The following DAB1 variants were observed in gnomAD, a reference collection of about 807,000 sequenced individuals.
DAB1 encodes the protein DAB adaptor protein 1.
In DAB1, 15 loss-of-function variants were observed where a neutral mutation model predicts 64.6. The observed-to-expected ratio is 0.23, with a 90% confidence interval of 0.16 to 0.36. The LOEUF (loss-of-function observed/expected upper bound fraction) is 0.36. Among genes scored for constraint, DAB1 ranks in the 10% least tolerant of loss-of-function variants. The probability of loss-of-function intolerance (pLI) is 1.00; values close to 1 mark genes in which losing one functional copy is unlikely to be tolerated. For synonymous variants in DAB1, 235 were observed against 251.9 expected (o/e 0.93, Z 0.64); for missense variants, 596 against 706.7 (o/e 0.84, Z 1.78).
At chr1:58,349,207 C>T (rs1424001092) in intron 3 of DAB1, among the ~76,000 whole-genome samples, 6 of 152,202 alleles carry the variant, frequency 3.9e-5, no homozygotes, top group African/African-American at 1.2e-4. Flanking sequence ...GCCTGAGCCC[C>T]TGCTCTTCTC....
chr1:57,330,650 G>C (rs976535785), intron 1 of DAB1, among the ~76,000 whole-genome samples: 1 of 152,118 alleles, frequency 6.6e-6, no homozygotes, highest in Admixed American at 6.5e-5. Context: ...CAGTGTCGAC[G>C]TGATGTGCTT....
chr1:57,347,263 C>T (rs958596593), intron 1 of DAB1, among the ~76,000 whole-genome samples: 4 of 152,208 alleles, frequency 2.6e-5, no homozygotes, highest in Non-Finnish European at 5.9e-5. Flanking sequence ...TTCTCATCTG[C>T]AATCTTCAGC....
At chr1:57,358,600 A>C (rs977690362) in intron 1 of DAB1, among the ~76,000 whole-genome samples, 1 of 151,944 alleles carries the variant, frequency 6.6e-6, no homozygotes, top group Non-Finnish European at 1.5e-5. Flanking sequence ...TACTGGAAAC[A>C]TTCTTCACAG....
intron 11 of DAB1, among the ~76,000 whole-genome samples, chr1:57,021,296 T>G (rs1646610040): frequency 6.6e-6 from 1 of 152,100 alleles, no homozygotes; most frequent in Admixed American, 6.6e-5. Context: ...AAAACCCAGG[T>G]CTTCCAAGTC....
At chr1:57,031,818 C>A (rs1172208331) in intron 9 of DAB1, among the ~76,000 whole-genome samples, 1 of 152,184 alleles carries the variant, frequency 6.6e-6, no homozygotes, top group East Asian at 1.9e-4. Context: ...GAGAGTAAGG[C>A]CCTTCCATTA....
At chr1:57,290,340 C>A (rs1002749023) in intron 2 of DAB1, among the ~76,000 whole-genome samples, 1 of 152,132 alleles carries the variant, frequency 6.6e-6, no homozygotes, top group Non-Finnish European at 1.5e-5. Flanking sequence ...ACCAGCAAGA[C>A]TGGCATCACC....
chr1:58,447,188 A>T (rs888456393), intron 3 of DAB1, among the ~76,000 whole-genome samples: 6 of 152,224 alleles, frequency 3.9e-5, no homozygotes, highest in African/African-American at 1.4e-4. Flanking sequence ...AAGAAAAATC[A>T]AAGAAAGGGT....
At chr1:57,563,723 G>A (rs1435616874) in intron 7 of DAB1, among the ~76,000 whole-genome samples, 1 of 152,176 alleles carries the variant, frequency 6.6e-6, no homozygotes, top group Non-Finnish European at 1.5e-5. Context: ...AAACTGCAAG[G>A]TGGCAGCAAG....
intron 4 of DAB1, among the ~76,000 whole-genome samples, chr1:58,248,710 G>A (rs1660666069): frequency 6.6e-6 from 1 of 152,196 alleles, no homozygotes; most frequent in Non-Finnish European, 1.5e-5. Flanking sequence ...TGGGGCTGCA[G>A]TGGTGGAGGG....
intron 7 of DAB1, among the ~76,000 whole-genome samples, chr1:57,563,423 G>T (rs140576739): frequency 0.033 from 4,982 of 152,120 alleles, 310 homozygotes; most frequent in African/African-American, 0.11. Context: ...ATCTCACTGG[G>T]GCTTGTCAGA....
At chr1:57,629,216 T>C (rs370737700) in intron 7 of DAB1, among the ~76,000 whole-genome samples, 10 of 152,348 alleles carry the variant, frequency 6.6e-5, no homozygotes, top group Admixed American at 2.6e-4. Flanking sequence ...GCAGAAATTC[T>C]GAGCTTACTT....
intron 7 of DAB1, among the ~76,000 whole-genome samples, chr1:57,566,188 C>T (rs1205206473): frequency 1.3e-5 from 2 of 152,088 alleles, no homozygotes; most frequent in Non-Finnish European, 2.9e-5. Context: ...GGGTACATAA[C>T]AAAATGAAGG....
At chr1:57,472,341 A>G (rs983817759) in intron 7 of DAB1, among the ~76,000 whole-genome samples, 2 of 152,176 alleles carry the variant, frequency 1.3e-5, no homozygotes, top group Non-Finnish European at 2.9e-5. Flanking sequence ...TGAGGGACCT[A>G]TTTTTACTTT....
intron 4 of DAB1, among the ~76,000 whole-genome samples, chr1:58,312,887 A>G (rs997304747): frequency 2.6e-5 from 4 of 152,226 alleles, no homozygotes; most frequent in African/African-American, 9.6e-5. Flanking sequence ...CATTATTATG[A>G]AGATTAAAAG....
In DAB1 at chr1:57,807,112, G is replaced by A. The variant is rs543867628; in HGVS notation, n.551+76887C>T. Among the ~76,000 whole-genome samples the A allele has an allele frequency of 3.1e-4, 47 of 152,184 alleles. 2 individuals are homozygous for A. Among genetic ancestry groups the A allele is most frequent in the South Asian group, 1.0e-3 (5 of 4,834 alleles). Reference sequence around the variant, plus strand: ...GCACTAGCTCCTAACTGGCCTTTCTGCAACTGGCTCCACCTTCTCCAGTCC... The same window carrying A: ...GCACTAGCTCCTAACTGGCCTTTCTACAACTGGCTCCACCTTCTCCAGTCC... On this transcript the variant is annotated intron_variant and non_coding_transcript_variant, in intron 6 of 20. Coordinates refer to the DAB1 transcript ENST00000485760.
chr1:57,451,404 A>G (rs1686355565), intron 7 of DAB1, among the ~76,000 whole-genome samples: 1 of 152,180 alleles, frequency 6.6e-6, no homozygotes, highest in Non-Finnish European at 1.5e-5. Flanking sequence ...CTGCATAGTG[A>G]GAATCTTTTT....
chr1:58,150,625 G>C (rs990296285), intron 4 of DAB1: 3 of 150,282 alleles, frequency 2.0e-5, no homozygotes, highest in Non-Finnish European at 4.4e-5. Flanking sequence ...AGGTTGGGAG[G>C]CTCACTTTCC....
intron 3 of DAB1, among the ~76,000 whole-genome samples, chr1:58,375,904 G>C (rs1269175618): frequency 1.4e-5 from 2 of 143,686 alleles, no homozygotes; most frequent in Non-Finnish European, 3.1e-5. Context: ...TCCTGGTTTA[G>C]TCTTGGGAGA....
At chr1:58,034,735 G>A (rs180960390) in intron 5 of DAB1, among the ~76,000 whole-genome samples, 69 of 152,300 alleles carry the variant, frequency 4.5e-4, no homozygotes, top group Non-Finnish European at 8.5e-4. Context: ...CTGTCTCACT[G>A]ATCTGAGTCT....
Sources: allele counts gnomAD v4.1 joint callset (sites outside exome capture counted in the v4.1 genomes callset), GRCh38; gene constraint gnomAD v4.1.1; transcripts MANE v1.5; gene names NCBI Gene and HGNC (gene_info 2026-07-23, HGNC 2026-07-21).